FMN1: variants seen among roughly 807,000 people sequenced by gnomAD.
FMN1 encodes the protein formin-1.
A neutral mutation model predicts 132.4 loss-of-function variants in FMN1; 110 were observed. That is an observed-to-expected ratio of 0.83 (90% confidence interval 0.71 to 0.97). The LOEUF is 0.97. FMN1 is among the 50% of genes least tolerant of loss of function. The pLI, the probability that FMN1 is intolerant of heterozygous loss-of-function variation, is 0.00. For synonymous variants in FMN1, 722 were observed against 651.7 expected (o/e 1.11, Z -1.64); for missense variants, 1,792 against 1,705.3 (o/e 1.05, Z -0.90).
At chr15:33,144,494 G>A (rs1041323396) in intron 4 of FMN1, among the ~76,000 whole-genome samples, 9 of 151,888 alleles carry the variant, frequency 5.9e-5, no homozygotes, top group Non-Finnish European at 7.4e-5. Flanking sequence ...AAAATTAGCC[G>A]GGCGTGGTGG....
chr15:32,895,287 A>G (rs910302073), intron 15 of FMN1, among the ~76,000 whole-genome samples: 1 of 151,932 alleles, frequency 6.6e-6, no homozygotes, highest in Non-Finnish European at 1.5e-5. Flanking sequence ...ATATGGACAC[A>G]TTACCTGTCT....
intron 5 of FMN1, among the ~76,000 whole-genome samples, chr15:33,072,286 G>T (rs188131955): frequency 3.3e-5 from 5 of 152,292 alleles, no homozygotes; most frequent in Admixed American, 2.6e-4. Flanking sequence ...TGTGAAACCT[G>T]CACATATGAA....
chr15:32,979,351 C>A (rs1048186935), intron 7 of FMN1, among the ~76,000 whole-genome samples: 1 of 151,904 alleles, frequency 6.6e-6, no homozygotes, highest in Non-Finnish European at 1.5e-5. Flanking sequence ...GTCAGGAGAT[C>A]GAGACCATCC....
chr15:32,930,147 GC>G (rs2061073651), intron 9 of FMN1, among the ~76,000 whole-genome samples: 1 of 151,524 alleles, frequency 6.6e-6, no homozygotes, highest in Non-Finnish European at 1.5e-5. Flanking sequence ...CTGCCACCAC[GC>G]CCGGCTAATT....
chr15:33,123,830 G>C (rs768950271), intron 4 of FMN1, among the ~76,000 whole-genome samples: 1 of 152,200 alleles, frequency 6.6e-6, no homozygotes, highest in South Asian at 2.1e-4. Flanking sequence ...GGCTTAGGCA[G>C]AATAGAATTT....
chr15:32,926,160 T>A lies in FMN1; in HGVS notation c.3226+14A>T. ...AATGGAAAAAGTAAAACAAAAGTGA[T>A]AGAAAAGACTTACCCTGTTGGATAT... On this transcript the variant is annotated intron_variant, in intron 10 of 20. Coordinates refer to ENST00000616417, the MANE Select transcript of FMN1 (RefSeq NM_001277313.2). 1 of 1,334,458 alleles carries A rather than the reference T, an allele frequency of 7.5e-7. No individual in the cohort carries two copies. Among genetic ancestry groups the A allele is most frequent in the Non-Finnish European group, 1.0e-6 (1 of 956,496 alleles). The allele number at this position is 1,334,458 out of a possible 1,614,324, so 82.7% of individuals were successfully genotyped here. A position where few individuals can be genotyped will look rare whatever the true frequency, so the allele number is the denominator to read the frequency against.
At chr15:33,099,898 G>A (rs1044048137) in intron 4 of FMN1, among the ~76,000 whole-genome samples, 2 of 152,156 alleles carry the variant, frequency 1.3e-5, no homozygotes, top group Admixed American at 1.3e-4. Flanking sequence ...CTTTCTCCCA[G>A]AATACACAGC....
At chr15:33,015,716 A>T (rs943459117) in intron 6 of FMN1, among the ~76,000 whole-genome samples, 3 of 151,912 alleles carry the variant, frequency 2.0e-5, no homozygotes, top group African/African-American at 7.3e-5. Flanking sequence ...AAAAAAAAAA[A>T]TCATTCCTCT....
chr15:32,857,176 C>G, intron 16 of FMN1, 69 bp from the exon 17 acceptor site: 1 of 1,176,126 alleles, frequency 8.5e-7, no homozygotes, highest in Non-Finnish European at 1.3e-6. Flanking sequence ...GGGCCAGGTA[C>G]TGTGCTATGC....
chr15:33,109,607 C>T (rs1595490666), intron 4 of FMN1, among the ~76,000 whole-genome samples: 1 of 152,082 alleles, frequency 6.6e-6, no homozygotes, highest in East Asian at 1.9e-4. Context: ...TCAAATACTG[C>T]GTGTTCTCAC....
At chr15:33,104,502 G>C (rs1222150431) in intron 4 of FMN1, among the ~76,000 whole-genome samples, 1 of 150,488 alleles carries the variant, frequency 6.6e-6, no homozygotes, top group African/African-American at 2.5e-5. Flanking sequence ...CAACCACCCT[G>C]GTATGTGGTT....
chr15:32,957,317 T>TTTC (rs2029909919), intron 9 of FMN1, among the ~76,000 whole-genome samples: 2 of 146,588 alleles, frequency 1.4e-5, no homozygotes, highest in Non-Finnish European at 3.0e-5. Context: ...TTTTTTTTTT[T>TTTC]TTTTTTTTAC....
chr15:33,023,685 G>A (rs113006453), intron 6 of FMN1, among the ~76,000 whole-genome samples: 1 of 152,076 alleles, frequency 6.6e-6, no homozygotes, highest in South Asian at 2.1e-4. Context: ...TAATAGGAAA[G>A]AGCAAATACT....
chr15:32,956,505 G>C (rs1156502795), intron 9 of FMN1, among the ~76,000 whole-genome samples: 1 of 152,106 alleles, frequency 6.6e-6, no homozygotes, highest in Non-Finnish European at 1.5e-5. Context: ...AATGCGGCCA[G>C]TCAGGAGTCC....
Position 32,937,403 on chromosome 15 carries a change from T to C in FMN1, c.3139-11142A>G, listed in dbSNP as rs548228286. Among the ~76,000 whole-genome samples, 14 of 152,334 alleles carry C rather than the reference T, an allele frequency of 9.2e-5. No individual in the cohort carries two copies. In the East Asian group the frequency reaches 2.7e-3, roughly 29 times the overall value. On this transcript the variant is annotated intron_variant, in intron 9 of 20. Coordinates refer to ENST00000616417, the MANE Select transcript of FMN1 (RefSeq NM_001277313.2). ...CCATGAATTTTCCTATTAGCTTCAA[T>C]ACAACTGGTTTCATGCTCACCTGGG...
At chr15:32,897,739 T>C (rs559420741) in intron 15 of FMN1, among the ~76,000 whole-genome samples, 1 of 152,260 alleles carries the variant, frequency 6.6e-6, no homozygotes, top group African/African-American at 2.4e-5. Flanking sequence ...CTTAGAGTGG[T>C]AGAACCTCGA....
chr15:33,054,364 GA>G (rs886706599), intron 6 of FMN1, among the ~76,000 whole-genome samples: 26 of 152,184 alleles, frequency 1.7e-4, no homozygotes, highest in African/African-American at 5.8e-4. Flanking sequence ...TAAAAGGTTA[GA>G]TTTTTTTCAT....
chr15:33,005,911 T>C (rs909666447), intron 7 of FMN1, among the ~76,000 whole-genome samples: 3 of 152,206 alleles, frequency 2.0e-5, no homozygotes, highest in African/African-American at 7.2e-5. Flanking sequence ...CCTCTCCTTT[T>C]CTTCTAGGAG....
intron 3 of FMN1, among the ~76,000 whole-genome samples, chr15:33,159,543 T>G (rs1964807846): frequency 6.6e-6 from 1 of 152,182 alleles, no homozygotes; most frequent in Non-Finnish European, 1.5e-5. Context: ...GTGCACTCTA[T>G]CCTAGCTCTC....
Sources: allele counts gnomAD v4.1 joint callset (sites outside exome capture counted in the v4.1 genomes callset), GRCh38; gene constraint gnomAD v4.1.1; transcripts MANE v1.5; gene names NCBI Gene and HGNC (gene_info 2026-07-23, HGNC 2026-07-21).